RUNX1: variants seen among roughly 807,000 people sequenced by gnomAD.
RUNX1 encodes the protein RUNX family transcription factor 1, also known as runt-related transcription factor 1.
Under a neutral mutation model 42.8 loss-of-function variants are expected in RUNX1, and 19 were observed. The ratio of observed to expected loss-of-function variants is 0.44; its 90% CI spans 0.31 to 0.65. The LOEUF (loss-of-function observed/expected upper bound fraction) is 0.65. Ranked by LOEUF, RUNX1 falls within the 30% of genes least tolerant of loss-of-function variation. The probability of loss-of-function intolerance (pLI) is 0.07; values close to 1 mark genes in which losing one functional copy is unlikely to be tolerated. For synonymous variants in RUNX1, 271 were observed against 289.4 expected (o/e 0.94, Z 0.64); for missense variants, 528 against 672.0 (o/e 0.79, Z 2.37).
intron 3 of RUNX1, chr21:34,888,368 G>T (rs1214465033): frequency 7.5e-6 from 8 of 1,067,514 alleles, no homozygotes; most frequent in Middle Eastern, 4.1e-4. Context: ...GCAACTTCAC[G>T]GCTCGCCTCG....
rs2056430540 is a variant in RUNX1 at position 34,791,298 on chromosome 21, TTTC to T, written c.*834_*836del. On this transcript the variant is annotated 3_prime_UTR_variant, in exon 9 of 9. Transcript: ENST00000675419. ...AAAAGAAAATGTAGTACTTGATATT[TTTC>T]TTAATATAAGTACATTTAAATAATT... 1 of 232,302 alleles carries T rather than the reference TTTC, an allele frequency of 4.3e-6. No individual in the cohort carries two copies. Among genetic ancestry groups the T allele is most frequent in the Non-Finnish European group, 8.5e-6 (1 of 117,326 alleles). 14.4% of individuals were successfully genotyped at this position (232,302 alleles called of 1,614,324 possible). A position where few individuals can be genotyped will look rare whatever the true frequency, so the allele number is the denominator to read the frequency against.
chr21:34,949,142 GAAGA>G (rs891846935), intron 2 of RUNX1, among the ~76,000 whole-genome samples: 1 of 152,158 alleles, frequency 6.6e-6, no homozygotes, highest in Admixed American at 6.5e-5. Context: ...TGGAGATTTG[GAAGA>G]AAGAGATGAA....
At chr21:34,869,600 CTGAGT>C (rs764253931) in intron 5 of RUNX1, among the ~76,000 whole-genome samples, 1 of 152,168 alleles carries the variant, frequency 6.6e-6, no homozygotes, top group Non-Finnish European at 1.5e-5. Flanking sequence ...TGAACCAGTG[CTGAGT>C]TTATACGTGG....
chr21:34,870,130 G>C (rs2057716727), intron 5 of RUNX1, among the ~76,000 whole-genome samples: 1 of 152,140 alleles, frequency 6.6e-6, no homozygotes, highest in Non-Finnish European at 1.5e-5. Flanking sequence ...TAAGGATAAG[G>C]ATTGTGTTTC....
chr21:34,798,453 A>G (rs970030404), intron 8 of RUNX1, among the ~76,000 whole-genome samples: 2 of 152,200 alleles, frequency 1.3e-5, no homozygotes, highest in East Asian at 1.9e-4. Context: ...ATTAACAACA[A>G]TTATGCTAAC....
intron 7 of RUNX1, among the ~76,000 whole-genome samples, chr21:34,832,743 G>A (rs992782446): frequency 2.6e-5 from 4 of 151,874 alleles, no homozygotes; most frequent in Non-Finnish European, 4.4e-5. Flanking sequence ...ATATACGCTT[G>A]TATTTTGGAA....
At chr21:34,865,177 T>C (rs1405250834) in intron 5 of RUNX1, among the ~76,000 whole-genome samples, 7 of 151,816 alleles carry the variant, frequency 4.6e-5, no homozygotes, top group Non-Finnish European at 8.8e-5. Flanking sequence ...ATTAAAGACA[T>C]GATAAAGGTG....
intron 2 of RUNX1, among the ~76,000 whole-genome samples, chr21:34,928,262 T>A (rs888621248): frequency 4.5e-4 from 68 of 152,232 alleles, no homozygotes; most frequent in Admixed American, 9.8e-4. Flanking sequence ...TCTGTTGCAC[T>A]ACTTAAGAGT....
chr21:34,919,543 G>C (rs1022847495), intron 2 of RUNX1, among the ~76,000 whole-genome samples: 40 of 152,088 alleles, frequency 2.6e-4, no homozygotes, highest in African/African-American at 9.7e-4. Context: ...ATAAGTCTGG[G>C]GGCTTCACTC....
intron 5 of RUNX1, among the ~76,000 whole-genome samples, chr21:34,869,646 C>T (rs182791424): frequency 6.6e-6 from 1 of 152,290 alleles, no homozygotes; most frequent in Admixed American, 6.5e-5. Context: ...TGGATGTTCA[C>T]TTGCAGTTTA....
At chr21:34,988,528 C>T (rs910243109) in intron 2 of RUNX1, among the ~76,000 whole-genome samples, 1 of 152,148 alleles carries the variant, frequency 6.6e-6, no homozygotes, top group East Asian at 1.9e-4. Context: ...GCACTCGCCT[C>T]GGCTCCTGTA....
intron 2 of RUNX1, among the ~76,000 whole-genome samples, chr21:34,927,334 T>C (rs1251798491): frequency 2.6e-5 from 4 of 152,192 alleles, no homozygotes; most frequent in East Asian, 1.9e-4. Context: ...ACATGTGTGA[T>C]TTCTCTGGAC....
At chr21:35,046,154 C>G (rs1203591840) in intron 2 of RUNX1, among the ~76,000 whole-genome samples, 1 of 152,158 alleles carries the variant, frequency 6.6e-6, no homozygotes, top group Non-Finnish European at 1.5e-5. Context: ...CGCATCTTGT[C>G]TTCCTTCCTA....
At chr21:34,865,583 G>A (rs1407530830) in intron 5 of RUNX1, among the ~76,000 whole-genome samples, 1 of 152,172 alleles carries the variant, frequency 6.6e-6, no homozygotes, top group Non-Finnish European at 1.5e-5. Flanking sequence ...AGTCTTCCTG[G>A]ACACTCGCTG....
At chr21:35,033,318 G>T (rs1052494235) in intron 2 of RUNX1, among the ~76,000 whole-genome samples, 6 of 152,210 alleles carry the variant, frequency 3.9e-5, no homozygotes, top group African/African-American at 1.2e-4. Flanking sequence ...TTATGTTTTG[G>T]TAAGAGCAAA....
At chr21:34,983,439 A>G (rs2058862015) in intron 2 of RUNX1, among the ~76,000 whole-genome samples, 1 of 152,248 alleles carries the variant, frequency 6.6e-6, no homozygotes, top group Non-Finnish European at 1.5e-5. Context: ...TCACTTTTTC[A>G]TAAGTTGTTA....
intron 2 of RUNX1, among the ~76,000 whole-genome samples, chr21:34,971,504 GCCATCCAT>G (rs76561322): frequency 1.7e-4 from 26 of 150,524 alleles, no homozygotes; most frequent in East Asian, 9.8e-4. Context: ...ATTTTTATCA[GCCATCCAT>G]CCATCCATCC....
At chr21:34,979,819 T>C (rs1226222771) in intron 2 of RUNX1, among the ~76,000 whole-genome samples, 1 of 152,148 alleles carries the variant, frequency 6.6e-6, no homozygotes, top group Non-Finnish European at 1.5e-5. Flanking sequence ...TTAACAAGTT[T>C]TTTTCTCCCC....
chr21:34,903,277 A>C (rs1244727067), intron 2 of RUNX1, among the ~76,000 whole-genome samples: 1 of 152,224 alleles, frequency 6.6e-6, no homozygotes, highest in Non-Finnish European at 1.5e-5. Context: ...CAAATTAGTG[A>C]AGTTTCACTA....
Sources: allele counts gnomAD v4.1 joint callset (sites outside exome capture counted in the v4.1 genomes callset), GRCh38; gene constraint gnomAD v4.1.1; transcripts MANE v1.5; gene names NCBI Gene and HGNC (gene_info 2026-07-23, HGNC 2026-07-21).